ITFG1: variants seen among roughly 807,000 people sequenced by gnomAD.
ITFG1 encodes the protein T-cell immunomodulatory protein.
A neutral mutation model predicts 81.8 loss-of-function variants in ITFG1; 34 were observed. That is an observed-to-expected ratio of 0.42 (90% confidence interval 0.32 to 0.55). The LOEUF (loss-of-function observed/expected upper bound fraction) is 0.55. ITFG1 is among the 20% of genes least tolerant of loss of function. The pLI, the probability that ITFG1 is intolerant of heterozygous loss-of-function variation, is 0.17. For synonymous variants in ITFG1, 285 were observed against 270.6 expected, an observed-to-expected ratio of 1.05 and a Z score of -0.52; for missense variants, 672 against 755.4, an observed-to-expected ratio of 0.89 and a Z score of 1.29.
chr16:47,187,963 G>A (rs2151516353), intron 14 of ITFG1, among the ~76,000 whole-genome samples: 1 of 152,122 alleles, frequency 6.6e-6, no homozygotes, highest in East Asian at 1.9e-4. Flanking sequence ...GACATGAACA[G>A]ACACTTCTCA....
At chr16:47,239,511 T>C (rs1056120884) in intron 12 of ITFG1, among the ~76,000 whole-genome samples, 2 of 152,038 alleles carry the variant, frequency 1.3e-5, no homozygotes, top group Non-Finnish European at 2.9e-5. Flanking sequence ...ATATTTTTTT[T>C]ATATTAATAG....
intron 12 of ITFG1, among the ~76,000 whole-genome samples, chr16:47,253,869 A>G (rs1266853834): frequency 6.6e-6 from 1 of 152,116 alleles, no homozygotes; most frequent in Non-Finnish European, 1.5e-5. Flanking sequence ...AATAGGTCTC[A>G]GACTAGTACT....
intron 10 of ITFG1, among the ~76,000 whole-genome samples, chr16:47,293,161 T>C (rs942199571): frequency 4.7e-5 from 7 of 147,584 alleles, no homozygotes; most frequent in Non-Finnish European, 8.9e-5. Flanking sequence ...AAGCATGATA[T>C]ATAATATATA....
At chr16:47,229,097 G>A (rs1470679031) in intron 13 of ITFG1, among the ~76,000 whole-genome samples, 1 of 152,132 alleles carries the variant, frequency 6.6e-6, no homozygotes, top group Non-Finnish European at 1.5e-5. Flanking sequence ...CTGTGCTGGG[G>A]AGTAAAGACT....
chr16:47,255,068 T>C (rs776195106), intron 12 of ITFG1, among the ~76,000 whole-genome samples: 30 of 152,094 alleles, frequency 2.0e-4, no homozygotes, highest in Non-Finnish European at 3.4e-4. Context: ...GTCTGGGCAA[T>C]AGACCGAGAC....
intron 6 of ITFG1, among the ~76,000 whole-genome samples, chr16:47,392,063 T>A (rs1968538388): frequency 6.6e-6 from 1 of 152,136 alleles, no homozygotes; most frequent in South Asian, 2.1e-4. Flanking sequence ...GAAGTGTCCA[T>A]GTGGGAGGGG....
chr16:47,403,955 G>A (rs535995316), intron 6 of ITFG1, among the ~76,000 whole-genome samples: 8 of 151,550 alleles, frequency 5.3e-5, no homozygotes, highest in Non-Finnish European at 1.0e-4. Flanking sequence ...AACAAGCTCA[G>A]GGTTCCCACT....
At chr16:47,274,775 G>A (rs984629820) in intron 10 of ITFG1, among the ~76,000 whole-genome samples, 1 of 152,160 alleles carries the variant, frequency 6.6e-6, no homozygotes, top group African/African-American at 2.4e-5. Flanking sequence ...CTAACAAGCT[G>A]TTGAAGACGT....
chr16:47,324,860 C>G (rs1293203639), intron 8 of ITFG1, among the ~76,000 whole-genome samples: 1 of 152,140 alleles, frequency 6.6e-6, no homozygotes, highest in Admixed American at 6.5e-5. Flanking sequence ...TACGAAGAGA[C>G]TTAGACTCCC....
intron 6 of ITFG1, among the ~76,000 whole-genome samples, chr16:47,390,169 T>C (rs1284580379): frequency 6.6e-6 from 1 of 152,196 alleles, no homozygotes; most frequent in African/African-American, 2.4e-5. Context: ...GTTCACCAGA[T>C]GGACAGTTAT....
chr16:47,366,541 A>T (rs1326353142), intron 7 of ITFG1, among the ~76,000 whole-genome samples: 4 of 152,238 alleles, frequency 2.6e-5, no homozygotes, highest in African/African-American at 9.6e-5. Flanking sequence ...AAACAAAAAC[A>T]GCACACATCT....
At chr16:47,392,368 C>T (rs552064559) in intron 6 of ITFG1, among the ~76,000 whole-genome samples, 3 of 151,988 alleles carry the variant, frequency 2.0e-5, no homozygotes, top group East Asian at 1.9e-4. Context: ...GGGCCTCAGC[C>T]GTGTAAAGGC....
intron 8 of ITFG1, among the ~76,000 whole-genome samples, chr16:47,318,297 G>A (rs577215734): frequency 8.5e-5 from 13 of 152,080 alleles, no homozygotes; most frequent in Admixed American, 8.5e-4. Flanking sequence ...AATAATCTTT[G>A]AGATGGTTTC....
At chr16:47,187,658 C>A (rs1459337195) in intron 14 of ITFG1, among the ~76,000 whole-genome samples, 1 of 150,618 alleles carries the variant, frequency 6.6e-6, no homozygotes, top group Non-Finnish European at 1.5e-5. Flanking sequence ...CCATAAAAAC[C>A]CTAGAAGAAA....
chr16:47,327,997 A>G (rs1408718825), intron 8 of ITFG1, among the ~76,000 whole-genome samples: 1 of 151,992 alleles, frequency 6.6e-6, no homozygotes, highest in Non-Finnish European at 1.5e-5. Flanking sequence ...GATTATAAAT[A>G]ATGCTGCTAT....
chr16:47,254,091 C>T (rs1966112449), intron 12 of ITFG1, among the ~76,000 whole-genome samples: 3 of 151,962 alleles, frequency 2.0e-5, no homozygotes, highest in Admixed American at 2.0e-4. Flanking sequence ...TAAAAGAAGT[C>T]TGTGTTGCAT....
chr16:47,177,997 T>C (rs912163515), intron 14 of ITFG1, among the ~76,000 whole-genome samples: 1 of 152,186 alleles, frequency 6.6e-6, no homozygotes. Context: ...AAAATAGATT[T>C]TGAATGTAAA....
chr16:47,417,443 T>C (rs1447502885), intron 6 of ITFG1, among the ~76,000 whole-genome samples: 1 of 152,238 alleles, frequency 6.6e-6, no homozygotes, highest in Non-Finnish European at 1.5e-5. Context: ...AAATACAGAA[T>C]ATACTGTTGT....
chr16:47,328,378 G>A (rs148947408), intron 8 of ITFG1, among the ~76,000 whole-genome samples: 1,573 of 151,968 alleles, frequency 0.01, 11 homozygotes, highest in Non-Finnish European at 0.017. Flanking sequence ...GCTAAGTGAC[G>A]AATTAATGGG....
Sources: gnomAD v4.1 joint callset for allele counts (sites outside exome capture counted in the v4.1 genomes callset) on GRCh38, gnomAD v4.1.1 for gene constraint, MANE v1.5 for transcripts, NCBI Gene and HGNC (gene_info 2026-07-23, HGNC 2026-07-21) for gene names.